Variants in TNFSF8 observed in about 807,000 individuals in gnomAD.
TNFSF8 encodes the protein tumor necrosis factor ligand superfamily member 8.
Under a neutral mutation model 22.0 loss-of-function variants are expected in TNFSF8, and 4 were observed. The observed-to-expected ratio is 0.18, with a 90% CI of 0.09 to 0.42. TNFSF8 has a LOEUF of 0.42. Among genes scored for constraint, TNFSF8 ranks in the 10% least tolerant of loss-of-function variants. TNFSF8 has a pLI of 1.00. For synonymous variants in TNFSF8, 106 were observed against 112.5 expected, an observed-to-expected ratio of 0.94 and a Z score of 0.37; for missense variants, 233 against 281.8, an observed-to-expected ratio of 0.83 and a Z score of 1.24.
chr9:114,911,966 TTC>T (rs1312390219), intron 2 of TNFSF8, among the ~76,000 whole-genome samples: 2 of 152,336 alleles, frequency 1.3e-5, no homozygotes, highest in African/African-American at 4.8e-5. Context: ...TTTGCTAACA[TTC>T]TAATAACCTT....
chr9:114,905,376 C>CA (rs1827771995), intron 3 of TNFSF8, among the ~76,000 whole-genome samples: 1 of 152,170 alleles, frequency 6.6e-6, no homozygotes, highest in African/African-American at 2.4e-5. Context: ...GTTCATTAAG[C>CA]TGTCAATCTG....
chr9:114,924,325 T>C (rs1828030576), intron 1 of TNFSF8, among the ~76,000 whole-genome samples: 1 of 152,178 alleles, frequency 6.6e-6, no homozygotes. Flanking sequence ...TGACCCTAGA[T>C]TGGTTCAAAC....
intron 1 of TNFSF8, among the ~76,000 whole-genome samples, chr9:114,918,971 TC>T (rs1827953570): frequency 6.6e-6 from 1 of 151,938 alleles, no homozygotes; most frequent in South Asian, 2.1e-4. Flanking sequence ...TCTTTTTTTT[TC>T]CTTCTGGTCA....
intron 1 of TNFSF8, among the ~76,000 whole-genome samples, chr9:114,927,537 G>A (rs534654583): frequency 6.6e-6 from 1 of 152,252 alleles, no homozygotes; most frequent in East Asian, 1.9e-4. Context: ...CATTTCTCAA[G>A]CCAACCTGAA....
intron 2 of TNFSF8, among the ~76,000 whole-genome samples, chr9:114,906,385 A>G (rs149222491): frequency 2.3e-4 from 35 of 152,360 alleles, no homozygotes; most frequent in Non-Finnish European, 7.3e-5. Context: ...TCTACCACAC[A>G]CCAGAAACTA....
intron 1 of TNFSF8, among the ~76,000 whole-genome samples, chr9:114,926,949 T>G (rs1828068629): frequency 6.8e-6 from 1 of 147,204 alleles, no homozygotes; most frequent in African/African-American, 2.5e-5. Context: ...TATTATAAAA[T>G]ATTAAATAAC....
At chr9:114,916,356 C>T (rs922882077) in intron 2 of TNFSF8, among the ~76,000 whole-genome samples, 22 of 152,140 alleles carry the variant, frequency 1.4e-4, no homozygotes, top group African/African-American at 5.1e-4. Flanking sequence ...GTTAGAGCCC[C>T]TATGCTTGGC....
At chr9:114,919,916 A>T (rs1443294724) in intron 1 of TNFSF8, among the ~76,000 whole-genome samples, 3 of 152,174 alleles carry the variant, frequency 2.0e-5, no homozygotes, top group African/African-American at 4.8e-5. Context: ...CACAGCACCA[A>T]TCTGGAGATG....
At chr9:114,894,046 G>A (rs567092781) in exon 5 of TNFSF8, 1 of 1,508,602 alleles carries the variant, frequency 6.6e-7, no homozygotes, top group African/African-American at 1.4e-5. Context: ...CAGGGTAGAA[G>A]CAGTTCTTGT....
chr9:114,904,920 C>G (rs1350282035), intron 3 of TNFSF8, among the ~76,000 whole-genome samples: 1 of 152,152 alleles, frequency 6.6e-6, no homozygotes, highest in Non-Finnish European at 1.5e-5. Context: ...TTTTTGAATG[C>G]CTTTTTCCCT....
chr9:114,905,703 A>G (rs1827776059), intron 3 of TNFSF8, 125 bp downstream of exon 3: 4 of 776,632 alleles, frequency 5.2e-6, no homozygotes, highest in Admixed American at 4.3e-5. Flanking sequence ...CTGCAGACTA[A>G]ACAGTACACA....
At chr9:114,908,592 GT>G (rs1436984777) in intron 2 of TNFSF8, among the ~76,000 whole-genome samples, 1 of 151,722 alleles carries the variant, frequency 6.6e-6, no homozygotes, top group African/African-American at 2.4e-5. Context: ...TTCTTTTGTT[GT>G]TTTTTCCCCT....
At position 114,930,120 on chromosome 9, in the gene TNFSF8, C is replaced by A; in HGVS notation, c.184G>T (p.Val62Phe). ...FTVATIMVLV[V>F]QRTDSIPNSP... ...AGGAGTCCACTTACCGTCCTCTGAA[C>A]GACCAACACCATAATAGTGGCCACC... Residue 62 changes from valine to phenylalanine, a missense_variant, in exon 1 of 4, where the codon GTT (valine) becomes TTT (phenylalanine). Val to Phe is a conservative substitution (Grantham distance 50, BLOSUM62 -1). Coordinates refer to ENST00000223795, the MANE Select transcript of TNFSF8 (RefSeq NM_001244.4). 1 of 1,494,806 alleles carries A rather than the reference C, an allele frequency of 6.7e-7. No individual in the cohort carries two copies. Among genetic ancestry groups the A allele is most frequent in the South Asian group, 1.3e-5 (1 of 78,114 alleles). The allele number at this position is 1,494,806 out of a possible 1,614,324, so 92.6% of individuals were successfully genotyped here.
chr9:114,918,738 C>G (rs1827950317), intron 1 of TNFSF8, among the ~76,000 whole-genome samples: 1 of 152,170 alleles, frequency 6.6e-6, no homozygotes. Flanking sequence ...GTAGCTGGGA[C>G]TACAGGCACC....
chr9:114,903,866 G>A lies in TNFSF8; in HGVS notation c.*65C>T. ...TCTAAAGTTTTCTTTTTGCCCAAGT[G>A]TTTGGAGGGATGAAATACTGTATGG... On this transcript the variant is annotated 3_prime_UTR_variant, in exon 4 of 4. Transcript: ENST00000223795. 6.5e-7 allele frequency: 1 copy of A among 1,530,198 alleles called. No individual in the cohort carries two copies. Among genetic ancestry groups the A allele is most frequent in the South Asian group, 1.3e-5 (1 of 75,300 alleles). 94.8% of individuals were successfully genotyped at this position (1,530,198 alleles called of 1,614,324 possible). A position where few individuals can be genotyped will look rare whatever the true frequency, so the allele number is the denominator to read the frequency against.
intron 1 of TNFSF8, among the ~76,000 whole-genome samples, chr9:114,927,933 C>T (rs1828083495): frequency 6.6e-6 from 1 of 152,088 alleles, no homozygotes. Flanking sequence ...TATAGGAAAC[C>T]CTTCCTGATA....
intron 2 of TNFSF8, among the ~76,000 whole-genome samples, chr9:114,909,079 G>T (rs1371178955): frequency 6.6e-6 from 1 of 152,174 alleles, no homozygotes; most frequent in African/African-American, 2.4e-5. Context: ...AGTGCTGGCA[G>T]CTCACAGAGT....
intron 4 of TNFSF8, chr9:114,894,250 GT>G: frequency 8.8e-7 from 1 of 1,142,182 alleles, no homozygotes; most frequent in Non-Finnish European, 1.3e-6. Context: ...GAAGCCCACA[GT>G]TTAGCAGGGA....
At chr9:114,908,284 A>G (rs1303801165) in intron 2 of TNFSF8, among the ~76,000 whole-genome samples, 1 of 152,222 alleles carries the variant, frequency 6.6e-6, no homozygotes, top group African/African-American at 2.4e-5. Context: ...CTCTGTGGAT[A>G]CAGAGTAAGT....
Sources: allele counts gnomAD v4.1 joint callset (sites outside exome capture counted in the v4.1 genomes callset), GRCh38; gene constraint gnomAD v4.1.1; transcripts MANE v1.5; gene names NCBI Gene and HGNC (gene_info 2026-07-23, HGNC 2026-07-21).